The following GTF3C1 variants were observed in gnomAD, a reference collection of about 807,000 sequenced individuals.
The protein encoded by GTF3C1 is general transcription factor 3C polypeptide 1.
A neutral mutation model predicts 226.7 loss-of-function variants in GTF3C1; 57 were observed. The ratio of observed to expected loss-of-function variants is 0.25; its 90% CI spans 0.20 to 0.31. The LOEUF (loss-of-function observed/expected upper bound fraction) is 0.31, where lower values mean the gene tolerates loss of function less well. GTF3C1 is among the 10% of genes least tolerant of loss of function. The probability of loss-of-function intolerance (pLI) is 1.00; values close to 1 mark genes in which losing one functional copy is unlikely to be tolerated. For synonymous variants in GTF3C1, 1,090 were observed against 1,084.8 expected, an observed-to-expected ratio of 1.00 and a Z score of -0.09; for missense variants, 2,217 against 2,776.1, an observed-to-expected ratio of 0.80 and a Z score of 4.53.
At chr16:27,495,515 C>A (rs776811742) in intron 14 of GTF3C1, 23 bp from the exon 15 acceptor site, 1 of 1,600,634 alleles carries the variant, frequency 6.2e-7, no homozygotes, top group Admixed American at 1.7e-5. Flanking sequence ...AGGGAGAGGG[C>A]GGTGCTTGAA....
At chr16:27,489,854 C>T (rs1596628843) in intron 19 of GTF3C1, 111 bp from the exon 20 acceptor site, 1 of 1,107,120 alleles carries the variant, frequency 9.0e-7, no homozygotes, top group Non-Finnish European at 1.3e-6. Flanking sequence ...TGTGAAAAGG[C>T]TCCCCGGCCA....
At chr16:27,481,035 T>A (rs113635043) in intron 27 of GTF3C1, 44 bp downstream of exon 27, 1 of 1,509,654 alleles carries the variant, frequency 6.6e-7, no homozygotes, top group Non-Finnish European at 9.2e-7. Context: ...CCTTTTCTTC[T>A]TGCCCTGCGA....
intron 6 of GTF3C1, among the ~76,000 whole-genome samples, chr16:27,517,673 A>C (rs1385295510): frequency 1.3e-5 from 2 of 152,246 alleles, no homozygotes; most frequent in Non-Finnish European, 2.9e-5. Flanking sequence ...GACTTCATTC[A>C]GACATTCTGA....
chr16:27,537,645 C>A (rs904128389), intron 4 of GTF3C1, 139 bp downstream of exon 4: 2 of 622,970 alleles, frequency 3.2e-6, no homozygotes, highest in South Asian at 4.7e-5. Flanking sequence ...TGGCCTCAAG[C>A]AGTTCTCCCA....
At chr16:27,543,779 A>G (rs2089124364) in intron 2 of GTF3C1, among the ~76,000 whole-genome samples, 1 of 152,208 alleles carries the variant, frequency 6.6e-6, no homozygotes, top group Non-Finnish European at 1.5e-5. Context: ...ATAAGGCAGG[A>G]AGCCACTGGC....
chr16:27,548,561 G>C (rs1467488148), intron 1 of GTF3C1, among the ~76,000 whole-genome samples: 1 of 152,140 alleles, frequency 6.6e-6, no homozygotes, highest in South Asian at 2.1e-4. Flanking sequence ...TGCTGCACCC[G>C]GCCTGTCTTG....
Position 27,497,637 on chromosome 16 carries a change from C to T in GTF3C1, c.2350G>A (p.Val784Ile). 1 of 1,607,736 alleles carries T rather than the reference C, an allele frequency of 6.2e-7. No individual in the cohort carries two copies. The highest frequency in any genetic ancestry group is 8.5e-7 in the Non-Finnish European group (1 of 1,175,410). The change falls in exon 14 of 37, where the codon GTT becomes ATT. Residue 784 changes from valine to isoleucine, a missense_variant and splice_region_variant. Physicochemically the swap from Val to Ile is conservative, Grantham distance 29. Around this residue, in one of 12 missense-constraint regions of GTF3C1, gnomAD observed 100 missense variants for 139.9 expected, o/e 0.71. Transcript: ENST00000356183. Reference sequence around the variant, plus strand: ...ACACAGACAAGAAGCTGCAGCTTACCTACAATGGGGTGATAATTTCTAAGC... The same window carrying T: ...ACACAGACAAGAAGCTGCAGCTTACTTACAATGGGGTGATAATTTCTAAGC... ...TPLRNYHPIV[V>I]PGLGRSLGFL...
intron 11 of GTF3C1, among the ~76,000 whole-genome samples, chr16:27,502,261 T>C (rs1304857796): frequency 6.6e-6 from 1 of 152,046 alleles, no homozygotes; most frequent in African/African-American, 2.4e-5. Context: ...GAAGAAGCCA[T>C]GTCCCTGATG....
intron 19 of GTF3C1, among the ~76,000 whole-genome samples, chr16:27,490,930 A>T (rs766218212): frequency 7.2e-5 from 11 of 152,290 alleles, no homozygotes; most frequent in Non-Finnish European, 1.5e-4. Context: ...ATGAACACCT[A>T]AAGGGATGGA....
At chr16:27,468,416 A>G (rs977908693) in intron 32 of GTF3C1, among the ~76,000 whole-genome samples, 3 of 152,148 alleles carry the variant, frequency 2.0e-5, no homozygotes, top group Admixed American at 6.5e-5. Context: ...GCCTGAGACC[A>G]GCCTGGGCAA....
chr16:27,500,011 G>A (rs1447756668), intron 12 of GTF3C1, among the ~76,000 whole-genome samples: 1 of 152,078 alleles, frequency 6.6e-6, no homozygotes, highest in African/African-American at 2.4e-5. Context: ...CATTTTTGAG[G>A]TTATGTGGCC....
Position 27,486,034 on chromosome 16 carries a change from A to C in GTF3C1, c.3821T>G (p.Val1274Gly). The C allele has an allele frequency of 6.2e-7, 1 of 1,612,742 alleles. No individual in the cohort carries two copies. The highest frequency in any genetic ancestry group is 8.5e-7 in the Non-Finnish European group (1 of 1,179,088). Residue 1274 changes from valine (V) to glycine (G), a missense_variant, in exon 24 of 37, where the codon GTG becomes GGG. Val to Gly is a moderately radical substitution (Grantham distance 109, BLOSUM62 -3). This residue lies in a region of GTF3C1 where 546 missense variants were observed against 663.0 expected (regional missense o/e 0.82). Coordinates refer to ENST00000356183, the MANE Select transcript of GTF3C1 (RefSeq NM_001520.4). The stretch of plus-strand genomic sequence containing the variant: ...GACATTGCTGGCAATGCGGCACAGC[A>C]CAAGCAGCCCATCCTCCTGCATAGA... Reference protein sequence around the residue: ...TWSMQEDGLLVLCRIASNVLN... With the variant: ...TWSMQEDGLLGLCRIASNVLN...
At chr16:27,547,516 C>G (rs1433515540) in intron 1 of GTF3C1, among the ~76,000 whole-genome samples, 1 of 152,066 alleles carries the variant, frequency 6.6e-6, no homozygotes, top group Non-Finnish European at 1.5e-5. Context: ...CAAACAGCAG[C>G]CTACTATGTC....
In GTF3C1 at chr16:27,507,027, G is replaced by GA; in HGVS notation, c.1371_1372insT (p.Leu458SerfsTer12). ...AGCGACTCCTCCTGCATAGACGCCA[G>GA]GCTCACGGTGGTCAAGAGCTCGCTG... is the stretch of plus-strand genomic sequence containing the variant. On this transcript the variant is annotated frameshift_variant, in exon 9 of 37. Transcript: ENST00000356183. LOFTEE classifies it high-confidence loss of function. The surrounding 1 kb of genome is among the most constrained non-coding windows in gnomAD (Gnocchi z 4.9). 6.2e-7 allele frequency: 1 copy of GA among 1,613,934 alleles called. No homozygotes were observed. The highest frequency in any genetic ancestry group is 8.5e-7 in the Non-Finnish European group (1 of 1,180,018).
chr16:27,525,355 G>T (rs1567410065), intron 6 of GTF3C1, among the ~76,000 whole-genome samples: 1 of 152,150 alleles, frequency 6.6e-6, no homozygotes, highest in Non-Finnish European at 1.5e-5. Flanking sequence ...TCCTCAAGGA[G>T]TTCCAGTCAT....
At position 27,463,518 on chromosome 16, in the gene GTF3C1, C is replaced by G; in HGVS notation, c.5924+23G>C. The G allele has an allele frequency of 6.7e-7, 1 of 1,481,792 alleles. No individual in the cohort carries two copies. The highest frequency in any genetic ancestry group is 9.4e-7 in the Non-Finnish European group (1 of 1,059,504). 91.8% of individuals were successfully genotyped at this position (1,481,792 alleles called of 1,614,324 possible). A position where few individuals can be genotyped will look rare whatever the true frequency, so the allele number is the denominator to read the frequency against. On this transcript the variant is annotated intron_variant, in intron 35 of 36. Coordinates refer to ENST00000356183, the MANE Select transcript of GTF3C1 (RefSeq NM_001520.4). This position sits in a 1 kb window ranked among gnomAD's most constrained non-coding sequence, Gnocchi z 4.9. ...CTGTCAAGAGCCCCGCCCCAGGCCC[C>G]GGAGCCAGAACCCCACACCCACCTT...
In GTF3C1 at chr16:27,493,406, C is replaced by T. The variant is rs139058983; in HGVS notation, c.2779-110G>A. ...CTGACCATAGTCTCCCTGAACCTGC[C>T]CACTGGGCTCTCCTTCCTGCCCCAC... is the stretch of plus-strand genomic sequence containing the variant. On this transcript the variant is annotated intron_variant, in intron 16 of 36. Coordinates refer to ENST00000356183, the MANE Select transcript of GTF3C1 (RefSeq NM_001520.4). 3,373 of 667,494 alleles carry T rather than the reference C, an allele frequency of 5.1e-3. 24 individuals carry two copies. The highest frequency in any genetic ancestry group is 0.024 in the Middle Eastern group (64 of 2,638). The allele number at this position is 667,494 out of a possible 1,614,324, so 41.3% of individuals were successfully genotyped here. A position where few individuals can be genotyped will look rare whatever the true frequency, so the allele number is the denominator to read the frequency against.
At position 27,492,609 on chromosome 16, in the gene GTF3C1, G is replaced by A; in HGVS notation, c.2973+8C>T. The A allele has an allele frequency of 6.4e-7, 1 of 1,564,286 alleles. No individual in the cohort carries two copies. Among genetic ancestry groups the A allele is most frequent in the Non-Finnish European group, 8.8e-7 (1 of 1,134,552 alleles). ...GAATTTCCTTCGTTTGGGCTTGAGG[G>A]ACATTACCTGATCTTTATCCTGAAA... On this transcript the variant is annotated splice_region_variant and intron_variant, in intron 18 of 36. Coordinates refer to ENST00000356183, the MANE Select transcript of GTF3C1 (RefSeq NM_001520.4). This position sits in a 1 kb window ranked among gnomAD's most constrained non-coding sequence, Gnocchi z 5.0.
chr16:27,505,065 C>A (rs949397492), intron 10 of GTF3C1, among the ~76,000 whole-genome samples: 1 of 152,140 alleles, frequency 6.6e-6, no homozygotes, highest in Non-Finnish European at 1.5e-5. Context: ...GGGGGTGGCA[C>A]TGGCAGTGTC....
Sources: allele counts gnomAD v4.1 joint callset (sites outside exome capture counted in the v4.1 genomes callset), GRCh38; gene constraint gnomAD v4.1.1; regional missense constraint gnomAD v4.1.1; non-coding constraint Gnocchi (gnomAD v3.1); transcripts MANE v1.5; gene names NCBI Gene and HGNC (gene_info 2026-07-23, HGNC 2026-07-21).